AP4B1: variants seen among roughly 807,000 people sequenced by gnomAD.
The protein encoded by AP4B1 is AP-4 complex subunit beta-1.
In AP4B1, 49 loss-of-function variants were observed where a neutral mutation model predicts 76.5. The ratio of observed to expected loss-of-function variants is 0.64; its 90% CI spans 0.51 to 0.81. The LOEUF is 0.81. Ranked by LOEUF, AP4B1 falls within the 40% of genes least tolerant of loss-of-function variation. The pLI, the probability that AP4B1 is intolerant of heterozygous loss-of-function variation, is 0.00. For synonymous variants in AP4B1, 330 were observed against 333.3 expected (o/e 0.99, Z 0.11); for missense variants, 911 against 904.9 (o/e 1.01, Z -0.09).
At chr1:113,903,222 C>T (rs1013611230) in intron 1 of AP4B1, among the ~76,000 whole-genome samples, 18 of 152,316 alleles carry the variant, frequency 1.2e-4, no homozygotes, top group Admixed American at 3.3e-4. Flanking sequence ...CGTGCCACCA[C>T]GCCCAGCTAA....
chr1:113,898,622 C>T, intron 6 of AP4B1, 96 bp downstream of exon 6: 1 of 930,844 alleles, frequency 1.1e-6, no homozygotes, highest in Admixed American at 1.7e-5. Context: ...GTTCAAATCT[C>T]TATATTACTC....
intron 4 of AP4B1, chr1:113,900,834 G>A (rs550033389): frequency 6.8e-5 from 19 of 279,678 alleles, no homozygotes; most frequent in Middle Eastern, 1.3e-3. Flanking sequence ...CTGGCCGGGC[G>A]CAGTGGCTCA....
intron 4 of AP4B1, chr1:113,900,615 C>A: frequency 1.7e-6 from 1 of 601,848 alleles, no homozygotes; most frequent in Non-Finnish European, 2.9e-6. Flanking sequence ...AATGCACACT[C>A]CTCTAAGACC....
intron 7 of AP4B1, 73 bp downstream of exon 7, chr1:113,897,767 T>A: frequency 6.7e-7 from 1 of 1,502,544 alleles, no homozygotes; most frequent in Non-Finnish European, 9.2e-7. Context: ...AGAGAATAAT[T>A]AGATTCCATT....
chr1:113,903,286 G>A (rs769158872), intron 1 of AP4B1, among the ~76,000 whole-genome samples: 31 of 152,162 alleles, frequency 2.0e-4, no homozygotes, highest in African/African-American at 7.2e-4. Flanking sequence ...GGCTGGTCTC[G>A]AACTCCTGAC....
intron 1 of AP4B1, among the ~76,000 whole-genome samples, chr1:113,903,775 T>C (rs1668608931): frequency 6.6e-6 from 1 of 152,156 alleles, no homozygotes; most frequent in South Asian, 2.1e-4. Flanking sequence ...GTTCCTTGGG[T>C]GCTGTGATAA....
rs1054252163 is a variant in AP4B1, at chr1:113,896,294, G to C, written c.1474C>G (p.Gln492Glu). Residue 492 changes from glutamine (Q) to glutamate (E), a missense_variant, in exon 8 of 10, where the codon CAG (glutamine) becomes GAG (glutamate). Transcript: ENST00000369569. ...RLFLSRPAEC[Q>E]DMLGRLLYYC... Reference sequence around the variant, plus strand: ...TACAACAAACGTCCTAGCATGTCCTGGCACTCAGCAGGTCGGGAGAGGAAA... The same window carrying C: ...TACAACAAACGTCCTAGCATGTCCTCGCACTCAGCAGGTCGGGAGAGGAAA... 2 of 1,614,208 alleles carry C rather than the reference G, an allele frequency of 1.2e-6. No individual in the cohort carries two copies. The highest frequency in any genetic ancestry group is 1.7e-6 in the Non-Finnish European group (2 of 1,180,034).
In AP4B1 at chr1:113,902,699, CTT is replaced by C; in HGVS notation, c.275_276del (p.Lys92ArgfsTer19). The C allele has an allele frequency of 6.2e-7, 1 of 1,614,118 alleles. No individual in the cohort carries two copies. The highest frequency in any genetic ancestry group is 8.5e-7 in the Non-Finnish European group (1 of 1,180,038). ...LALLAINTLC[K>X]DCSDPNPMVR... ...ACCATTGGATTGGGGTCTGAGCAGT[CTT>C]TGCACAGCGTATTGATGGCCAGGAG... is the stretch of plus-strand genomic sequence containing the variant. On this transcript the variant is annotated frameshift_variant, in exon 2 of 10. Coordinates refer to ENST00000369569, the MANE Select transcript of AP4B1 (RefSeq NM_001253852.3). LOFTEE classifies it high-confidence loss of function.
chr1:113,898,344 C>A (rs1240186826), intron 6 of AP4B1, among the ~76,000 whole-genome samples: 2 of 152,122 alleles, frequency 1.3e-5, no homozygotes, highest in Non-Finnish European at 1.5e-5. Context: ...CTTGCAGGAA[C>A]CTAAGAGTGA....
rs558730980 is a variant in AP4B1, at chr1:113,896,532, C to T, written c.1303-67G>A. The T allele has an allele frequency of 6.5e-6, 10 of 1,526,952 alleles. No homozygotes were observed. In the African/African-American group the frequency reaches 1.1e-4, roughly 17 times the overall value. 94.6% of individuals were successfully genotyped at this position (1,526,952 alleles called of 1,614,324 possible). A position where few individuals can be genotyped will look rare whatever the true frequency, so the allele number is the denominator to read the frequency against. ...TGTCTAAAACACAGGAGATAATAGA[C>T]AGCCACTGGTTTTGCTTTTCGCTTA... On this transcript the variant is annotated intron_variant, in intron 7 of 9. Transcript: ENST00000369569.
intron 3 of AP4B1, 95 bp downstream of exon 3, chr1:113,901,660 G>A: frequency 6.5e-7 from 1 of 1,528,550 alleles, no homozygotes. Context: ...ACAGAACTGG[G>A]GCCACATTAT....
At chr1:113,901,206 A>AT (rs1668212146) in intron 4 of AP4B1, 30 bp downstream of exon 4, 23 of 1,613,448 alleles carry the variant, frequency 1.4e-5, no homozygotes, top group Non-Finnish European at 2.0e-5. Context: ...AGCAGATCTC[A>AT]TAATAAAAAG....
chr1:113,902,534 C>T (rs1371380838), intron 2 of AP4B1, 104 bp downstream of exon 2: 40 of 1,156,130 alleles, frequency 3.5e-5, no homozygotes, highest in Non-Finnish European at 4.7e-5. Context: ...TAATGTTTTC[C>T]CCAGTATTAA....
Position 113,904,601 on chromosome 1 carries a change from A to G in AP4B1, c.113+4T>C. On this transcript the variant is annotated splice_donor_region_variant and intron_variant, in intron 1 of 9. Coordinates refer to ENST00000369569, the MANE Select transcript of AP4B1 (RefSeq NM_001253852.3). ...GTTAGCACGCGAAGGGAGGTAGGTGATACCTAATCACTCGCTGGATGACAT... is the reference window on the plus strand; with the variant it reads ...GTTAGCACGCGAAGGGAGGTAGGTGGTACCTAATCACTCGCTGGATGACAT... 1 of 1,613,740 alleles carries G rather than the reference A, an allele frequency of 6.2e-7. No individual in the cohort carries two copies. The highest frequency in any genetic ancestry group is 1.1e-5 in the South Asian group (1 of 91,070).
Position 113,896,469 on chromosome 1 carries a change from G to C in AP4B1, c.1303-4C>G, listed in dbSNP as rs1243631259. 2 of 1,613,854 alleles carry C rather than the reference G, an allele frequency of 1.2e-6. No homozygotes were observed. Among genetic ancestry groups the C allele is most frequent in the Non-Finnish European group, 8.5e-7 (1 of 1,179,714 alleles). The stretch of plus-strand genomic sequence containing the variant: ...GCCAAATAAGTGCTTGCTTCCCCTA[G>C]AGAATAAAGGAATAAGAGCAAGTGC... On this transcript the variant is annotated splice_region_variant and splice_polypyrimidine_tract_variant and intron_variant, in intron 7 of 9. Transcript: ENST00000369569.
rs751144793 is a variant in AP4B1, at chr1:113,901,896, C to T, written c.339-11G>A. On this transcript the variant is annotated splice_polypyrimidine_tract_variant and intron_variant, in intron 2 of 9. Coordinates refer to ENST00000369569, the MANE Select transcript of AP4B1 (RefSeq NM_001253852.3). ...TGCACACCAGGCATCCTAAGCAACA[C>T]ATCCTGGAGTTAGCCAGATTCTGAA... 1.2e-6 allele frequency: 2 copies of T among 1,614,102 alleles called. No homozygotes were observed. Among genetic ancestry groups the T allele is most frequent in the South Asian group, 1.1e-5 (1 of 91,068 alleles).
chr1:113,900,340 T>C lies in AP4B1; in HGVS notation c.678A>G (p.Gln226=), dbSNP rs771093512. The C allele has an allele frequency of 1.7e-5, 27 of 1,611,148 alleles. No individual in the cohort carries two copies. The highest frequency in any genetic ancestry group is 1.8e-5 in the Non-Finnish European group (21 of 1,179,158). Residue 226 remains glutamine, a synonymous_variant, in exon 5 of 10, where the codon CAA becomes CAG. Transcript: ENST00000369569. ...CAAATAGTTCTTCCTCACTGCGGGG[T>C]TGGTAGCGTAGCAGAAAGTTCAATA... The part of the protein sequence containing the change: ...AEVLNFLLRY[Q]PRSEEELFDI...
Position 113,895,376 on chromosome 1 carries a change from T to G in AP4B1, c.1909A>C (p.Ser637Arg). 6.2e-7 allele frequency: 1 copy of G among 1,614,212 alleles called. No homozygotes were observed. The highest frequency in any genetic ancestry group is 8.5e-7 in the Non-Finnish European group (1 of 1,180,040). The change falls in exon 10 of 10, where the codon AGC becomes CGC. Residue 637 changes from serine (S) to arginine (R), a missense_variant. Physicochemically the swap from Ser to Arg is moderately radical, Grantham distance 110 (BLOSUM62 -1). Coordinates refer to ENST00000369569, the MANE Select transcript of AP4B1 (RefSeq NM_001253852.3). ...TADYFEKTWL[S>R]LKVAHQQVLP... ...ACTTGCTGATGAGCAACTTTAAGGC[T>G]AAGCCAAGTTTTCTCAAAATAATCA...
At chr1:113,896,575 G>A (rs2100999999) in intron 7 of AP4B1, 110 bp from the exon 8 acceptor site, 2 of 951,346 alleles carry the variant, frequency 2.1e-6, no homozygotes, top group Non-Finnish European at 3.4e-6. Context: ...CAGAAAAGGT[G>A]TAATCTTTAG....
Sources: gnomAD v4.1 joint callset for allele counts (sites outside exome capture counted in the v4.1 genomes callset) on GRCh38, gnomAD v4.1.1 for gene constraint, MANE v1.5 for transcripts, NCBI Gene and HGNC (gene_info 2026-07-23, HGNC 2026-07-21) for gene names.